Variants in DMD observed in about 807,000 individuals in gnomAD.
DMD encodes dystrophin.
In DMD, 63 loss-of-function variants were observed where a neutral mutation model predicts 330.1. That is an observed-to-expected ratio of 0.19 (90% CI 0.16 to 0.24). The LOEUF (loss-of-function observed/expected upper bound fraction) is 0.24, where lower values mean the gene tolerates loss of function less well. Ranked by LOEUF, DMD falls within the 10% of genes least tolerant of loss-of-function variation. The pLI is 1.00. For missense variants in DMD, 3,344 were observed against 2,684.1 expected (o/e 1.25, Z -5.43); for synonymous variants, 1,223 against 959.8 (o/e 1.27, Z -5.07).
At chrX:33,192,612 C>T (rs1384953295) in intron 1 of DMD, among the ~76,000 whole-genome samples, 1 of 112,056 alleles carries the variant, frequency 8.9e-6, no homozygotes, top group African/African-American at 3.2e-5. Flanking sequence ...TCTAAAATTT[C>T]ATCAGTTTTC....
At chrX:33,045,458 A>G (rs933278309) in intron 1 of DMD, among the ~76,000 whole-genome samples, 29 of 111,730 alleles carry the variant, frequency 2.6e-4, no homozygotes, top group African/African-American at 9.4e-4. Flanking sequence ...CTTGAATTAC[A>G]AAATCAACTC....
intron 29 of DMD, among the ~76,000 whole-genome samples, chrX:32,419,291 C>T (rs2098179757): frequency 8.9e-6 from 1 of 111,965 alleles, no homozygotes; most frequent in Non-Finnish European, 1.9e-5. Context: ...GCTCATAGCT[C>T]ATCACAAGAT....
chrX:32,440,799 A>C (rs1360352988), intron 28 of DMD, among the ~76,000 whole-genome samples: 1 of 111,800 alleles, frequency 8.9e-6, no homozygotes, highest in Non-Finnish European at 1.9e-5. Flanking sequence ...AATAGGTTCC[A>C]ATTCAATACG....
intron 7 of DMD, among the ~76,000 whole-genome samples, chrX:32,778,074 T>A (rs1318188465): frequency 9.0e-6 from 1 of 111,649 alleles, no homozygotes; most frequent in Non-Finnish European, 1.9e-5. Flanking sequence ...AACATAGATT[T>A]GTCAGTTGAT....
intron 7 of DMD, among the ~76,000 whole-genome samples, chrX:32,790,117 A>T (rs1334524985): frequency 8.9e-6 from 1 of 111,962 alleles, no homozygotes; most frequent in Non-Finnish European, 1.9e-5. Flanking sequence ...GGCTGAATTG[A>T]TGGATCTGTT....
At chrX:32,141,338 A>T (rs1409977180) in intron 44 of DMD, among the ~76,000 whole-genome samples, 1 of 110,262 alleles carries the variant, frequency 9.1e-6, no homozygotes, top group Non-Finnish European at 1.9e-5. Flanking sequence ...TGGGAGGCCG[A>T]GGCACAAGAA....
chrX:32,336,283 TG>T (rs2097715193), intron 41 of DMD, among the ~76,000 whole-genome samples: 1 of 111,484 alleles, frequency 9.0e-6, no homozygotes, highest in Non-Finnish European at 1.9e-5. Context: ...CACAAAGAGC[TG>T]GGATTACAGT....
At chrX:31,438,697 T>A (rs1168591290) in intron 60 of DMD, among the ~76,000 whole-genome samples, 1 of 111,116 alleles carries the variant, frequency 9.0e-6, no homozygotes, top group Non-Finnish European at 1.9e-5. Flanking sequence ...CCGACATTAT[T>A]TGTAAGAGCA....
At chrX:31,985,431 A>G (rs1284693383) in intron 44 of DMD, among the ~76,000 whole-genome samples, 1 of 112,782 alleles carries the variant, frequency 8.9e-6, no homozygotes, top group Admixed American at 9.4e-5. Flanking sequence ...ATCAACATTT[A>G]GGAAAATATT....
At chrX:32,717,465 G>C (rs2065848705) in intron 7 of DMD, among the ~76,000 whole-genome samples, 1 of 111,900 alleles carries the variant, frequency 8.9e-6, no homozygotes, top group Admixed American at 9.5e-5. Flanking sequence ...GTTGAGGCTT[G>C]AGAGCATCCA....
intron 56 of DMD, among the ~76,000 whole-genome samples, chrX:31,497,697 A>G (rs1240487456): frequency 8.9e-6 from 1 of 112,330 alleles, no homozygotes; most frequent in African/African-American, 3.2e-5. Context: ...GAATACACAA[A>G]TGAATGATCT....
intron 7 of DMD, among the ~76,000 whole-genome samples, chrX:32,766,839 T>C (rs934814680): frequency 9.0e-6 from 1 of 111,676 alleles, no homozygotes; most frequent in Admixed American, 9.5e-5. Context: ...TACTCCACAT[T>C]GTATTCATAA....
At position 32,818,278 on chromosome X, in the gene DMD, T is replaced by C. The variant is rs181055058; in HGVS notation, c.358-1638A>G. ...CATAACGTTAAAGGACAACAAAGTA[T>C]TCAATCCAAAACTCCTTTATAGCAT... On this transcript the variant is annotated intron_variant, in intron 5 of 78. Coordinates refer to ENST00000357033, the MANE Select transcript of DMD (RefSeq NM_004006.3). 4.9e-3 allele frequency among the ~76,000 whole-genome samples: 549 copies of C among 112,033 alleles called. 2 individuals carry two copies. The highest frequency in any genetic ancestry group is 0.016 in the African/African-American group (500 of 30,863).
At chrX:33,029,073 T>C (rs1413994960) in intron 1 of DMD, among the ~76,000 whole-genome samples, 1 of 111,459 alleles carries the variant, frequency 9.0e-6, no homozygotes, top group Admixed American at 9.5e-5. Flanking sequence ...GACTAATCAA[T>C]ACTGTAATTA....
intron 7 of DMD, among the ~76,000 whole-genome samples, chrX:32,775,071 A>G (rs1440350132): frequency 1.8e-5 from 2 of 112,479 alleles, no homozygotes; most frequent in African/African-American, 6.5e-5. Context: ...TTTGAAATGC[A>G]GCCAGGCAAT....
At chrX:31,951,147 A>ATG (rs1166062333) in intron 45 of DMD, among the ~76,000 whole-genome samples, 4 of 74,455 alleles carry the variant, frequency 5.4e-5, no homozygotes, top group African/African-American at 2.1e-4. Context: ...ATATGTGTAT[A>ATG]TATATATATA....
At chrX:32,506,811 A>T (rs1261494384) in intron 18 of DMD, among the ~76,000 whole-genome samples, 1 of 111,928 alleles carries the variant, frequency 8.9e-6, no homozygotes, top group African/African-American at 3.2e-5. Context: ...AGTTTCACAA[A>T]GACAGTATTG....
At chrX:32,232,789 T>C (rs1174146869) in intron 43 of DMD, among the ~76,000 whole-genome samples, 3 of 112,110 alleles carry the variant, frequency 2.7e-5, no homozygotes, top group Non-Finnish European at 5.6e-5. Context: ...TTCTTTTCTA[T>C]CATTTTAGGT....
chrX:33,126,210 T>C (rs1426018412), intron 1 of DMD, among the ~76,000 whole-genome samples: 1 of 112,040 alleles, frequency 8.9e-6, no homozygotes, highest in East Asian at 2.8e-4. Context: ...TATTTTAATA[T>C]ATTAATCTTT....
Sources: gnomAD v4.1 joint callset for allele counts (sites outside exome capture counted in the v4.1 genomes callset) on GRCh38, gnomAD v4.1.1 for gene constraint, MANE v1.5 for transcripts, NCBI Gene and HGNC (gene_info 2026-07-23, HGNC 2026-07-21) for gene names.